MDGA2: variants seen among roughly 807,000 people sequenced by gnomAD.
MDGA2 encodes MAM domain-containing glycosylphosphatidylinositol anchor protein 2.
Under a neutral mutation model 117.8 loss-of-function variants are expected in MDGA2, and 40 were observed. That is an observed-to-expected ratio of 0.34 (90% CI 0.26 to 0.44). The LOEUF is 0.44. Ranked by LOEUF, MDGA2 falls within the 20% of genes least tolerant of loss-of-function variation. The probability of loss-of-function intolerance (pLI) is 1.00; values close to 1 mark genes in which losing one functional copy is unlikely to be tolerated. For missense variants in MDGA2, 1,123 were observed against 1,250.6 expected, an observed-to-expected ratio of 0.90 and a Z score of 1.54; for synonymous variants, 452 against 439.0, an observed-to-expected ratio of 1.03 and a Z score of -0.37.
Position 46,982,833 on chromosome 14 carries a change from C to G in MDGA2, c.1820-25190G>C, listed in dbSNP as rs563101945. 5.1e-4 allele frequency among the ~76,000 whole-genome samples: 77 copies of G among 151,772 alleles called. 1 individual carries two copies. Among genetic ancestry groups the G allele is most frequent in the African/African-American group, 1.8e-3 (73 of 41,388 alleles). On this transcript the variant is annotated intron_variant, in intron 8 of 16. Transcript: ENST00000399232. ...TGCCTGATTGCCCTGGCCAGAACTTCCAACACTATGTTGAATAGGAGTGGT... is the reference window on the plus strand; with the variant it reads ...TGCCTGATTGCCCTGGCCAGAACTTGCAACACTATGTTGAATAGGAGTGGT...
intron 8 of MDGA2, among the ~76,000 whole-genome samples, chr14:47,021,648 T>G (rs552389392): frequency 1.3e-5 from 2 of 151,798 alleles, no homozygotes; most frequent in South Asian, 4.1e-4. Flanking sequence ...AGGAGATTTC[T>G]GAAACAATTA....
At chr14:46,966,992 A>G (rs1886059993) in intron 8 of MDGA2, among the ~76,000 whole-genome samples, 1 of 152,162 alleles carries the variant, frequency 6.6e-6, no homozygotes, top group African/African-American at 2.4e-5. Flanking sequence ...ATTTCTTGAA[A>G]AAAAATGACA....
intron 3 of MDGA2, among the ~76,000 whole-genome samples, chr14:47,174,335 C>T (rs1423488491): frequency 6.6e-6 from 1 of 152,164 alleles, no homozygotes; most frequent in East Asian, 1.9e-4. Flanking sequence ...CCCAAATCAA[C>T]AGAATATACA....
At chr14:47,525,957 T>C (rs1384740483) in intron 1 of MDGA2, among the ~76,000 whole-genome samples, 1 of 152,134 alleles carries the variant, frequency 6.6e-6, no homozygotes, top group Non-Finnish European at 1.5e-5. Context: ...AATATTCTTC[T>C]TCATTTTCTA....
chr14:47,035,342 T>C (rs1457741213), intron 7 of MDGA2, 38 bp from the exon 8 acceptor site: 2 of 1,515,788 alleles, frequency 1.3e-6, no homozygotes, highest in African/African-American at 2.8e-5. Context: ...AAGGTTAGTA[T>C]AAACTGGTAA....
intron 1 of MDGA2, among the ~76,000 whole-genome samples, chr14:47,326,933 T>C (rs899169034): frequency 6.6e-6 from 1 of 152,092 alleles, no homozygotes; most frequent in African/African-American, 2.4e-5. Context: ...ACACTCAAAA[T>C]CATGATTGAA....
chr14:47,075,366 G>A (rs1890453367), intron 6 of MDGA2, among the ~76,000 whole-genome samples: 1 of 152,170 alleles, frequency 6.6e-6, no homozygotes, highest in African/African-American at 2.4e-5. Flanking sequence ...TTAGGTTGGT[G>A]ACATGGAAGA....
Position 47,301,549 on chromosome 14 carries a change from A to T in MDGA2, c.282T>A (p.Ala94=). 1 of 1,551,556 alleles carries T rather than the reference A, an allele frequency of 6.4e-7. No individual in the cohort carries two copies. Among genetic ancestry groups the T allele is most frequent in the Non-Finnish European group, 8.7e-7 (1 of 1,146,938 alleles). The change falls in exon 2 of 17, where the codon GCT becomes GCA. Residue 94 remains alanine, a splice_region_variant and synonymous_variant. Transcript: ENST00000399232. ...AGTGCACAATACGAACCGTGGGAGG[A>T]GCTGTCGAGTCAGGAAGAAGAGAGA... ...LEGISGQGVY[A]PPTVRIVHSG... is the part of the protein sequence containing the mutation.
intron 10 of MDGA2, among the ~76,000 whole-genome samples, chr14:46,886,510 T>C (rs1414173553): frequency 6.6e-6 from 1 of 152,050 alleles, no homozygotes; most frequent in East Asian, 1.9e-4. Flanking sequence ...GAGTTGAAGA[T>C]ACTGTTTAAA....
intron 1 of MDGA2, among the ~76,000 whole-genome samples, chr14:47,630,873 T>G (rs1333204382): frequency 6.6e-6 from 1 of 152,182 alleles, no homozygotes; most frequent in Non-Finnish European, 1.5e-5. Context: ...CTTCCTATAT[T>G]CCAGAGAGTA....
intron 2 of MDGA2, among the ~76,000 whole-genome samples, chr14:47,291,896 G>A (rs1477577917): frequency 2.6e-5 from 4 of 152,178 alleles, no homozygotes; most frequent in East Asian, 1.9e-4. Flanking sequence ...GAGAGTGAGC[G>A]TTAGCCCTGA....
chr14:47,452,879 G>A (rs986177385), intron 1 of MDGA2, among the ~76,000 whole-genome samples: 1 of 152,076 alleles, frequency 6.6e-6, no homozygotes, highest in Non-Finnish European at 1.5e-5. Context: ...TGTTCTAGTG[G>A]AAGGTAGAGA....
intron 1 of MDGA2, among the ~76,000 whole-genome samples, chr14:47,305,478 T>C (rs978918908): frequency 2.6e-5 from 4 of 152,212 alleles, no homozygotes; most frequent in African/African-American, 9.6e-5. Context: ...GGCTTTGGGT[T>C]GAAGAGGTCA....
rs549530938 is a variant in MDGA2, at chr14:47,391,149, T to G, written c.281-89599A>C. 3.3e-3 allele frequency among the ~76,000 whole-genome samples: 506 copies of G among 152,324 alleles called. 2 individuals are homozygous for G. The highest frequency in any genetic ancestry group is 6.0e-3 in the Non-Finnish European group (410 of 68,024). On this transcript the variant is annotated intron_variant, in intron 1 of 16. Coordinates refer to ENST00000399232, the MANE Select transcript of MDGA2 (RefSeq NM_001113498.3). The stretch of plus-strand genomic sequence containing the variant: ...AACCCTCCTCCGGTATGATATCCTC[T>G]GTGAAGCTCTTCTGGACCAAACTCT...
chr14:47,454,762 T>C (rs569234356), intron 1 of MDGA2, among the ~76,000 whole-genome samples: 1 of 152,318 alleles, frequency 6.6e-6, no homozygotes, highest in South Asian at 2.1e-4. Context: ...TTCCCTCAAG[T>C]AATGAATGAT....
At chr14:46,894,006 T>C (rs1882982132) in intron 10 of MDGA2, among the ~76,000 whole-genome samples, 1 of 152,068 alleles carries the variant, frequency 6.6e-6, no homozygotes, top group African/African-American at 2.4e-5. Context: ...ATTTTTAGAA[T>C]TGCAGTTTGG....
intron 1 of MDGA2, among the ~76,000 whole-genome samples, chr14:47,556,939 G>C (rs1311794612): frequency 6.6e-6 from 1 of 152,080 alleles, no homozygotes; most frequent in African/African-American, 2.4e-5. Context: ...TCCCCAGTTT[G>C]CTAATAAAGA....
chr14:47,100,859 A>C (rs763012917), intron 5 of MDGA2, among the ~76,000 whole-genome samples: 12 of 152,094 alleles, frequency 7.9e-5, no homozygotes, highest in Non-Finnish European at 1.3e-4. Context: ...CAACTACACC[A>C]CCAGCTGTAA....
intron 1 of MDGA2, among the ~76,000 whole-genome samples, chr14:47,439,410 A>G (rs1010606836): frequency 3.9e-5 from 6 of 152,068 alleles, no homozygotes; most frequent in African/African-American, 1.2e-4. Flanking sequence ...TTATCACAAA[A>G]TGTGCATAGC....
Sources: gnomAD v4.1 joint callset for allele counts (sites outside exome capture counted in the v4.1 genomes callset) on GRCh38, gnomAD v4.1.1 for gene constraint, MANE v1.5 for transcripts, NCBI Gene and HGNC (gene_info 2026-07-23, HGNC 2026-07-21) for gene names.